Variants in IQSEC3 observed in about 807,000 individuals in gnomAD.
IQSEC3 encodes the protein IQ motif and SEC7 domain-containing protein 3.
Under a neutral mutation model 105.4 loss-of-function variants are expected in IQSEC3, and 50 were observed. The ratio of observed to expected loss-of-function variants is 0.47; its 90% CI spans 0.38 to 0.60. The LOEUF (loss-of-function observed/expected upper bound fraction) is 0.60. IQSEC3 is among the 20% of genes least tolerant of loss of function. The pLI, the probability that IQSEC3 is intolerant of heterozygous loss-of-function variation, is 0.00. For synonymous variants in IQSEC3, 708 were observed against 746.0 expected, an observed-to-expected ratio of 0.95 and a Z score of 0.83; for missense variants, 1,415 against 1,630.0, an observed-to-expected ratio of 0.87 and a Z score of 2.27.
rs781817700 is a variant in IQSEC3 at position 165,634 on chromosome 12, G to A, written c.2810-95G>A. 3.8e-5 allele frequency: 60 copies of A among 1,572,608 alleles called. 1 individual carries two copies. Among genetic ancestry groups the A allele is most frequent in the Middle Eastern group, 3.4e-4 (2 of 5,894 alleles). On this transcript the variant is annotated intron_variant, in intron 10 of 13. Coordinates refer to ENST00000538872, the MANE Select transcript of IQSEC3 (RefSeq NM_001170738.2). Reference sequence around the variant, plus strand: ...AGGGCTGGACAGCAGAGTGGGTGGAGGCATGAGACCCCGTGCCCTCCTCAT... The same window carrying A: ...AGGGCTGGACAGCAGAGTGGGTGGAAGCATGAGACCCCGTGCCCTCCTCAT...
chr12:158,741 C>A (rs554765400), intron 7 of IQSEC3, among the ~76,000 whole-genome samples: 2 of 152,328 alleles, frequency 1.3e-5, no homozygotes, highest in Admixed American at 1.3e-4. Context: ...TCACTGCAAC[C>A]TCCACCTCCC....
intron 11 of IQSEC3, chr12:167,587 A>AAAG (rs1555098884): frequency 3.9e-5 from 6 of 151,986 alleles, no homozygotes; most frequent in Non-Finnish European, 8.8e-5. Flanking sequence ...AAAAAAAAAA[A>AAAG]AAAGAAAATG....
At chr12:134,409 A>G (rs1375994781) in intron 3 of IQSEC3, among the ~76,000 whole-genome samples, 1 of 152,244 alleles carries the variant, frequency 6.6e-6, no homozygotes, top group East Asian at 1.9e-4. Flanking sequence ...TCCTAGGGTT[A>G]TGTCAGCTGG....
At chr12:139,410 GGAGGA>G in intron 4 of IQSEC3, 56 bp downstream of exon 4, 9 of 1,410,202 alleles carry the variant, frequency 6.4e-6, no homozygotes, top group Non-Finnish European at 8.6e-6. Flanking sequence ...AGGGAGGGAA[GGAGGA>G]GGGCACCTTC....
intron 2 of IQSEC3, chr12:106,742 A>C (rs1864666749): frequency 6.6e-6 from 1 of 152,208 alleles, no homozygotes; most frequent in Admixed American, 6.5e-5. Context: ...ACTTCCAGGA[A>C]GAGTAACCTT....
rs1863115985 is a variant in IQSEC3, at chr12:67,061, T to G, written c.179T>G (p.Leu60Arg). Residue 60 changes from leucine (L) to arginine (R), a missense_variant, in exon 1 of 14, where the codon CTG becomes CGG. Coordinates refer to ENST00000538872, the MANE Select transcript of IQSEC3 (RefSeq NM_001170738.2). ...NRSLWEHQQL[L>R]QAQPPPGLVP... ...AGCCTGTGGGAGCACCAGCAGCTGCTGCAAGCCCAGCCTCCGCCCGGGCTC... is the reference window on the plus strand; with the variant it reads ...AGCCTGTGGGAGCACCAGCAGCTGCGGCAAGCCCAGCCTCCGCCCGGGCTC... The G allele has an allele frequency of 6.5e-7, 1 of 1,530,988 alleles. No individual in the cohort carries two copies. The highest frequency in any genetic ancestry group is 1.4e-5 in the African/African-American group (1 of 71,904). 94.8% of individuals were successfully genotyped at this position (1,530,988 alleles called of 1,614,324 possible).
At chr12:132,183 G>A (rs537556468) in intron 3 of IQSEC3, among the ~76,000 whole-genome samples, 11 of 152,244 alleles carry the variant, frequency 7.2e-5, no homozygotes, top group African/African-American at 2.6e-4. Context: ...TTTCTACCTG[G>A]AGGAAAGGGG....
Position 69,381 on chromosome 12 carries a change from C to T in IQSEC3, c.554+1945C>T, listed in dbSNP as rs1364961747. ...ATTTAGGAATCATCTGGGCTCCTGTCCAGCTCCACATGTCAATTCTGGAGA... is the reference window on the plus strand; with the variant it reads ...ATTTAGGAATCATCTGGGCTCCTGTTCAGCTCCACATGTCAATTCTGGAGA... On this transcript the variant is annotated intron_variant, in intron 1 of 13. Coordinates refer to ENST00000538872, the MANE Select transcript of IQSEC3 (RefSeq NM_001170738.2). 2.0e-5 allele frequency among the ~76,000 whole-genome samples: 3 copies of T among 152,400 alleles called. No homozygotes were observed. In the East Asian group the frequency reaches 5.8e-4, roughly 29 times the overall value.
At chr12:144,932 A>G (rs1866199615) in intron 5 of IQSEC3, among the ~76,000 whole-genome samples, 1 of 152,232 alleles carries the variant, frequency 6.6e-6, no homozygotes, top group African/African-American at 2.4e-5. Flanking sequence ...CCCAGGCTCA[A>G]GAGAACCCCT....
rs964660667 is a variant in IQSEC3 at position 138,143 on chromosome 12, C to G, written c.904-124C>G. Reference sequence around the variant, plus strand: ...TTCAGACTTTAGCTGCCCAGGAGCGCCCCCCCGCCCCCGTCCATTCCTGGG... The same window carrying G: ...TTCAGACTTTAGCTGCCCAGGAGCGGCCCCCCGCCCCCGTCCATTCCTGGG... On this transcript the variant is annotated intron_variant, in intron 3 of 13. Transcript: ENST00000538872. This position sits in a 1 kb window ranked among gnomAD's most constrained non-coding sequence, Gnocchi z 7.1. 20 of 834,466 alleles carry G rather than the reference C, an allele frequency of 2.4e-5. No individual in the cohort carries two copies. Among genetic ancestry groups the G allele is most frequent in the South Asian group, 1.9e-4 (11 of 57,244 alleles). The allele number at this position is 834,466 out of a possible 1,614,324, so 51.7% of individuals were successfully genotyped here.
At position 76,817 on chromosome 12, in the gene IQSEC3, T is replaced by C. The variant is rs116784828; in HGVS notation, c.554+9381T>C. 2.1e-3 allele frequency among the ~76,000 whole-genome samples: 315 copies of C among 152,380 alleles called. 2 individuals carry two copies. The highest frequency in any genetic ancestry group is 7.0e-3 in the African/African-American group (293 of 41,572). ...ACACACACAAAGCTGTAGTGTGATT[T>C]TCCCTGCAGGATATCTCGGCCTAGC... On this transcript the variant is annotated intron_variant, in intron 1 of 13. Coordinates refer to ENST00000538872, the MANE Select transcript of IQSEC3 (RefSeq NM_001170738.2).
chr12:75,976 A>G (rs1343746690), intron 1 of IQSEC3, among the ~76,000 whole-genome samples: 1 of 152,200 alleles, frequency 6.6e-6, no homozygotes, highest in Non-Finnish European at 1.5e-5. Context: ...ACCGACCCCA[A>G]TCCTAGCTAT....
chr12:92,287 C>G (rs1275678490), intron 1 of IQSEC3, among the ~76,000 whole-genome samples: 1 of 152,228 alleles, frequency 6.6e-6, no homozygotes, highest in Admixed American at 6.5e-5. Context: ...AAGCCAGAGA[C>G]CGAGAATGAC....
At position 95,065 on chromosome 12, in the gene IQSEC3, C is replaced by T. The variant is rs147567151; in HGVS notation, c.555-4081C>T. ...CTCCATCTCCTCATTCCATTTTCCCCTTTTCTTCAGGCCAGGAAGCCTTGG... is the reference window on the plus strand; with the variant it reads ...CTCCATCTCCTCATTCCATTTTCCCTTTTTCTTCAGGCCAGGAAGCCTTGG... On this transcript the variant is annotated intron_variant, in intron 1 of 13. Coordinates refer to ENST00000538872, the MANE Select transcript of IQSEC3 (RefSeq NM_001170738.2). Among the ~76,000 whole-genome samples the T allele has an allele frequency of 7.3e-3, 1,110 of 152,272 alleles. 6 individuals carry two copies. Among genetic ancestry groups the T allele is most frequent in the Non-Finnish European group, 0.014 (932 of 68,028 alleles).
chr12:88,316 G>T (rs1455048228), intron 1 of IQSEC3, among the ~76,000 whole-genome samples: 1 of 152,136 alleles, frequency 6.6e-6, no homozygotes, highest in Non-Finnish European at 1.5e-5. Context: ...AAAAAACACT[G>T]AGTTACTGCA....
chr12:98,992 C>T (rs774181800), intron 1 of IQSEC3, among the ~76,000 whole-genome samples, 154 bp from the exon 2 acceptor site: 1 of 152,104 alleles, frequency 6.6e-6, no homozygotes, highest in Non-Finnish European at 1.5e-5. Flanking sequence ...GCACTCTTGC[C>T]CAGAGCAGTG....
chr12:169,172 C>G, intron 12 of IQSEC3, 67 bp downstream of exon 12: 1 of 1,303,256 alleles, frequency 7.7e-7, no homozygotes. Context: ...GGGTGTGGGT[C>G]CTGGGCAATC....
At chr12:108,623 G>A (rs1206393643) in intron 2 of IQSEC3, among the ~76,000 whole-genome samples, 6 of 152,134 alleles carry the variant, frequency 3.9e-5, no homozygotes, top group South Asian at 2.1e-4. Flanking sequence ...TCTCATTTCC[G>A]TAAGAAACTG....
chr12:170,067 G>A lies in IQSEC3; in HGVS notation c.3064+962G>A, dbSNP rs554235833. On this transcript the variant is annotated intron_variant, in intron 12 of 13. Coordinates refer to ENST00000538872, the MANE Select transcript of IQSEC3 (RefSeq NM_001170738.2). Reference sequence around the variant, plus strand: ...CAGCGTGGGGACTAGTTACGGCAGCGAGGACATGAGATTCACTTTCCAAGC... The same window carrying A: ...CAGCGTGGGGACTAGTTACGGCAGCAAGGACATGAGATTCACTTTCCAAGC... 4.6e-5 allele frequency among the ~76,000 whole-genome samples: 7 copies of A among 152,220 alleles called. No homozygotes were observed. The South Asian group carries it at 6.2e-4, about 14-fold the overall frequency.
Sources: allele counts gnomAD v4.1 joint callset (sites outside exome capture counted in the v4.1 genomes callset), GRCh38; gene constraint gnomAD v4.1.1; non-coding constraint Gnocchi (gnomAD v3.1); transcripts MANE v1.5; gene names NCBI Gene and HGNC (gene_info 2026-07-23, HGNC 2026-07-21).